Variants in DACH1 observed in about 807,000 individuals in gnomAD.
DACH1 encodes the protein dachshund homolog 1.
DACH1 carries 12 observed loss-of-function variants against 54.2 expected under a neutral mutation model. That is an observed-to-expected ratio of 0.22 (90% CI 0.14 to 0.36). The LOEUF (loss-of-function observed/expected upper bound fraction) is 0.36. Ranked by LOEUF, DACH1 falls within the 10% of genes least tolerant of loss-of-function variation. DACH1 has a pLI of 1.00. For missense variants in DACH1, 805 were observed against 929.8 expected (o/e 0.87, Z 1.75); for synonymous variants, 386 against 366.2 (o/e 1.05, Z -0.62).
chr13:71,678,642 T>C (rs1023761591), intron 2 of DACH1, among the ~76,000 whole-genome samples: 1 of 150,266 alleles, frequency 6.7e-6, no homozygotes, highest in East Asian at 2.0e-4. Context: ...TTTTCTTCCT[T>C]TCTCTCTCTT....
At chr13:71,551,509 A>C (rs9599855) in intron 6 of DACH1, among the ~76,000 whole-genome samples, 6,328 of 152,132 alleles carry the variant, frequency 0.042, 158 homozygotes, top group Middle Eastern at 0.075. Context: ...TTCATGAGAT[A>C]CGCTTTTGTA....
At chr13:71,570,358 T>C (rs1287528415) in intron 4 of DACH1, among the ~76,000 whole-genome samples, 1 of 151,854 alleles carries the variant, frequency 6.6e-6, no homozygotes, top group Non-Finnish European at 1.5e-5. Context: ...GCTATACAAA[T>C]GGCCTGTCTC....
chr13:71,534,338 A>G (rs940795095), intron 6 of DACH1, among the ~76,000 whole-genome samples: 2 of 152,076 alleles, frequency 1.3e-5, no homozygotes, highest in East Asian at 3.8e-4. Flanking sequence ...AAAAATATTT[A>G]AAAAATAGTT....
chr13:71,675,219 T>G, intron 2 of DACH1: 1 of 1,574,676 alleles, frequency 6.4e-7, no homozygotes, highest in Non-Finnish European at 8.7e-7. Flanking sequence ...TCCGTGAAGT[T>G]AGACGTTATC....
intron 1 of DACH1, among the ~76,000 whole-genome samples, chr13:71,684,194 T>A (rs1881045673): frequency 6.6e-6 from 1 of 152,126 alleles, no homozygotes; most frequent in Non-Finnish European, 1.5e-5. Flanking sequence ...ACATTCAATT[T>A]TGTCCCACTC....
At chr13:71,833,347 G>T (rs1033708991) in intron 1 of DACH1, among the ~76,000 whole-genome samples, 2 of 151,856 alleles carry the variant, frequency 1.3e-5, no homozygotes, top group African/African-American at 4.8e-5. Flanking sequence ...GTTTATCTTT[G>T]TTTATAAAGA....
In DACH1 at chr13:71,439,852, C is replaced by T; in HGVS notation, c.*803G>A. On this transcript the variant is annotated 3_prime_UTR_variant, in exon 11 of 11. Coordinates refer to ENST00000613252, the MANE Select transcript of DACH1 (RefSeq NM_080759.6). ...GTGTGTTTTATGTTTATATACTGTACATATGACCAACAGTTTGAATAAGAA... is the reference window on the plus strand; with the variant it reads ...GTGTGTTTTATGTTTATATACTGTATATATGACCAACAGTTTGAATAAGAA... 1 of 152,384 alleles carries T rather than the reference C, an allele frequency of 6.6e-6. No individual in the cohort carries two copies. Among genetic ancestry groups the T allele is most frequent in the Non-Finnish European group, 1.5e-5 (1 of 67,904 alleles). 9.4% of individuals were successfully genotyped at this position (152,384 alleles called of 1,614,324 possible). A position where few individuals can be genotyped will look rare whatever the true frequency, so the allele number is the denominator to read the frequency against.
rs1454125799 is a variant in DACH1 at position 71,866,640 on chromosome 13, T to C, written c.130A>G (p.Ile44Val). The change falls in exon 1 of 11, where the codon ATC becomes GTC. Residue 44 changes from isoleucine (I) to valine (V), a missense_variant. By Grantham distance (29) the Ile-to-Val change is conservative (BLOSUM62 3). Around this residue, in one of 3 missense-constraint regions of DACH1, gnomAD observed 305 missense variants for 308.7 expected, o/e 0.99. Transcript: ENST00000613252. ...SSATSSPAPS[I>V]GPPASSGPTL... is the part of the protein sequence containing the mutation. ...GGCCCAGAGGACGCCGGGGGTCCGA[T>C]GGAAGGAGCCGGAGACGAAGTCGCC... 2.8e-6 allele frequency: 4 copies of C among 1,407,230 alleles called. No individual in the cohort carries two copies. The African/African-American group carries it at 4.4e-5, about 16-fold the overall frequency. The allele number at this position is 1,407,230 out of a possible 1,614,324, so 87.2% of individuals were successfully genotyped here.
At chr13:71,830,037 A>T (rs1888525164) in intron 1 of DACH1, among the ~76,000 whole-genome samples, 1 of 151,890 alleles carries the variant, frequency 6.6e-6, no homozygotes, top group Admixed American at 6.6e-5. Context: ...ATGATCAATG[A>T]TATGTTTTCT....
chr13:71,615,488 G>T (rs578170962), intron 3 of DACH1, among the ~76,000 whole-genome samples: 1 of 152,142 alleles, frequency 6.6e-6, no homozygotes, highest in Admixed American at 6.5e-5. Context: ...TTCAATTAAA[G>T]TTTACTGGCT....
intron 1 of DACH1, among the ~76,000 whole-genome samples, chr13:71,779,238 C>CATATACGTATATATGTGTAT (rs1886246121): frequency 2.8e-5 from 2 of 71,456 alleles, no homozygotes; most frequent in African/African-American, 1.5e-4. Context: ...TATATATACA[C>CATATACGTATATATGTGTAT]ATATATACGT....
chr13:71,731,060 G>T (rs556125079), intron 1 of DACH1, among the ~76,000 whole-genome samples: 1 of 151,854 alleles, frequency 6.6e-6, no homozygotes, highest in Non-Finnish European at 1.5e-5. Flanking sequence ...TAAAGATGGT[G>T]AGAATGAACA....
intron 1 of DACH1, among the ~76,000 whole-genome samples, chr13:71,796,181 T>G (rs1887041638): frequency 6.6e-6 from 1 of 152,182 alleles, no homozygotes; most frequent in South Asian, 2.1e-4. Flanking sequence ...TAGGTATTAT[T>G]ATTTTCTTCA....
chr13:71,860,455 A>C (rs1225991309), intron 1 of DACH1, among the ~76,000 whole-genome samples: 1 of 140,156 alleles, frequency 7.1e-6, no homozygotes, highest in Non-Finnish European at 1.5e-5. Flanking sequence ...ACTTAATGTG[A>C]CTTTTTTTTT....
chr13:71,726,707 G>A (rs1883483080), intron 1 of DACH1, among the ~76,000 whole-genome samples: 2 of 151,784 alleles, frequency 1.3e-5, no homozygotes, highest in Admixed American at 6.6e-5. Flanking sequence ...ATTAAGTATT[G>A]TCTAGAGAGG....
chr13:71,494,327 A>G (rs1434623331), intron 6 of DACH1, among the ~76,000 whole-genome samples: 1 of 152,096 alleles, frequency 6.6e-6, no homozygotes, highest in African/African-American at 2.4e-5. Flanking sequence ...TCAATTTTAC[A>G]ATGGTATAAA....
chr13:71,464,550 C>A, intron 10 of DACH1: 1 of 413,106 alleles, frequency 2.4e-6, no homozygotes, highest in Non-Finnish European at 4.7e-6. Context: ...GATTTTTTGG[C>A]TTCTCTCAGC....
intron 1 of DACH1, among the ~76,000 whole-genome samples, chr13:71,758,542 C>G (rs1217192334): frequency 1.3e-5 from 2 of 152,134 alleles, no homozygotes; most frequent in Non-Finnish European, 2.9e-5. Flanking sequence ...TCCAGATCCT[C>G]AAATATTTTT....
At chr13:71,543,597 A>T (rs1424291399) in intron 6 of DACH1, among the ~76,000 whole-genome samples, 2 of 152,104 alleles carry the variant, frequency 1.3e-5, no homozygotes, top group Non-Finnish European at 2.9e-5. Flanking sequence ...CTTTTCTAAG[A>T]GATGCATAGG....
Sources: allele counts gnomAD v4.1 joint callset (sites outside exome capture counted in the v4.1 genomes callset), GRCh38; gene constraint gnomAD v4.1.1; regional missense constraint gnomAD v4.1.1; transcripts MANE v1.5; gene names NCBI Gene and HGNC (gene_info 2026-07-23, HGNC 2026-07-21).